GSR: variants seen among roughly 807,000 people sequenced by gnomAD.
The protein encoded by GSR is glutathione reductase, mitochondrial.
GSR carries 48 observed loss-of-function variants against 56.5 expected under a neutral mutation model. That is an observed-to-expected ratio of 0.85 (90% confidence interval 0.67 to 1.08). The LOEUF (loss-of-function observed/expected upper bound fraction) is 1.08. GSR is among the 50% of genes least tolerant of loss of function. The pLI, the probability that GSR is intolerant of heterozygous loss-of-function variation, is 0.00. For missense variants in GSR, 694 were observed against 703.3 expected (o/e 0.99, Z 0.15); for synonymous variants, 264 against 270.8 (o/e 0.97, Z 0.25).
chr8:30,725,896 A>G (rs1804708530), intron 1 of GSR, among the ~76,000 whole-genome samples: 1 of 151,982 alleles, frequency 6.6e-6, no homozygotes, highest in Non-Finnish European at 1.5e-5. Flanking sequence ...AAAAAAAAAA[A>G]AAAAGAATTC....
At chr8:30,724,690 C>T (rs188709311) in intron 1 of GSR, among the ~76,000 whole-genome samples, 14 of 151,946 alleles carry the variant, frequency 9.2e-5, no homozygotes, top group African/African-American at 3.4e-4. Flanking sequence ...CATGTGCCAC[C>T]ACACCCGGCT....
Position 30,685,985 on chromosome 8 carries a change from CAAAAAAAAAAA to C in GSR, c.1042-1797_1042-1787del, listed in dbSNP as rs71206274. On this transcript the variant is annotated intron_variant, in intron 9 of 12. Transcript: ENST00000221130. ...TGGGCAACAGAAAGAGACTCTGCCT[CAAAAAAAAAAA>C]AAAAAAAAAAAAAAAAAGAGTACAA... 1.1e-3 allele frequency among the ~76,000 whole-genome samples: 41 copies of C among 37,242 alleles called. No homozygotes were observed. The South Asian group carries it at 0.012, about 11-fold the overall frequency. The allele number at this position is 37,242 out of a possible 152,430, so 24.4% of individuals were successfully genotyped here.
Position 30,705,355 on chromosome 8 carries a change from AG to A in GSR, c.493-2116del, listed in dbSNP as rs538647268. ...TCAGCTCACTGCAAGCTCCGCCTCC[AG>A]GGTTCACGCCATTCTCCTGCCTCAG... On this transcript the variant is annotated intron_variant, in intron 4 of 12. Transcript: ENST00000221130. Among the ~76,000 whole-genome samples, 476 of 151,964 alleles carry A rather than the reference AG, an allele frequency of 3.1e-3. 3 individuals carry two copies. Among genetic ancestry groups the A allele is most frequent in the African/African-American group, 0.011 (446 of 41,450 alleles).
chr8:30,708,404 A>G (rs1444050612), intron 3 of GSR, among the ~76,000 whole-genome samples: 1 of 152,238 alleles, frequency 6.6e-6, no homozygotes, highest in African/African-American at 2.4e-5. Context: ...ATGTTTTGGC[A>G]AAGTGCCTAG....
At chr8:30,722,706 T>C (rs529147819) in intron 1 of GSR, among the ~76,000 whole-genome samples, 1 of 134,114 alleles carries the variant, frequency 7.5e-6, no homozygotes, top group Admixed American at 8.0e-5. Context: ...CACTCCAGCC[T>C]GGGTGACACA....
At chr8:30,685,528 T>G (rs1453148363) in intron 9 of GSR, among the ~76,000 whole-genome samples, 1 of 152,208 alleles carries the variant, frequency 6.6e-6, no homozygotes, top group Non-Finnish European at 1.5e-5. Flanking sequence ...AAACACATAT[T>G]GATGTTTCCC....
At chr8:30,723,521 T>G (rs1419612036) in intron 1 of GSR, among the ~76,000 whole-genome samples, 1 of 151,682 alleles carries the variant, frequency 6.6e-6, no homozygotes, top group Admixed American at 6.6e-5. Flanking sequence ...CCAGACGCGG[T>G]GGCTCATACT....
chr8:30,712,177 C>A, intron 1 of GSR, 89 bp from the exon 2 acceptor site: 2 of 709,592 alleles, frequency 2.8e-6, no homozygotes, highest in East Asian at 2.6e-5. Context: ...AAGCATCAAG[C>A]GAGGAGTCTT....
chr8:30,706,345 C>CA (rs1053387057), intron 4 of GSR, among the ~76,000 whole-genome samples: 3 of 151,268 alleles, frequency 2.0e-5, no homozygotes, highest in Non-Finnish European at 4.4e-5. Flanking sequence ...ACTAAAAATA[C>CA]AAAAAAAATT....
intron 8 of GSR, among the ~76,000 whole-genome samples, chr8:30,690,908 T>A (rs1167977920): frequency 6.6e-6 from 1 of 151,252 alleles, no homozygotes; most frequent in Non-Finnish European, 1.5e-5. Context: ...CTACAAAAAT[T>A]TTTTTTTTAA....
At chr8:30,687,816 T>C (rs1028842098) in intron 9 of GSR, among the ~76,000 whole-genome samples, 6 of 152,194 alleles carry the variant, frequency 3.9e-5, no homozygotes, top group African/African-American at 1.2e-4. Context: ...TAATGTAAGC[T>C]AGGGTCTCAG....
intron 7 of GSR, 55 bp downstream of exon 7, chr8:30,696,325 T>C: frequency 8.3e-7 from 1 of 1,200,398 alleles, no homozygotes; most frequent in Non-Finnish European, 1.2e-6. Context: ...AAGAAAAAAT[T>C]CTTCATTTTT....
chr8:30,711,448 T>C (rs1804138723), intron 2 of GSR, among the ~76,000 whole-genome samples: 1 of 152,184 alleles, frequency 6.6e-6, no homozygotes, highest in African/African-American at 2.4e-5. Context: ...AGAAAATCCA[T>C]GAACCCACAG....
At position 30,726,547 on chromosome 8, in the gene GSR, C is replaced by T. The variant is rs8190891; in HGVS notation, c.306+983G>A. ...GCTGAGGCGGGAAGATCGGTTGAGTCCAAGAGGTTGAAATCAGCAAGGGCA... is the reference window on the plus strand; with the variant it reads ...GCTGAGGCGGGAAGATCGGTTGAGTTCAAGAGGTTGAAATCAGCAAGGGCA... On this transcript the variant is annotated intron_variant, in intron 1 of 12. Coordinates refer to ENST00000221130, the MANE Select transcript of GSR (RefSeq NM_000637.5). Among the ~76,000 whole-genome samples, 1,231 of 152,076 alleles carry T rather than the reference C, an allele frequency of 8.1e-3. 16 individuals are homozygous for T. The highest frequency in any genetic ancestry group is 0.028 in the African/African-American group (1,160 of 41,474).
intron 1 of GSR, among the ~76,000 whole-genome samples, chr8:30,721,683 A>G (rs2128749162): frequency 6.6e-6 from 1 of 151,274 alleles, no homozygotes; most frequent in Admixed American, 6.6e-5. Flanking sequence ...AAAGGGTATC[A>G]GTATTTCCAT....
chr8:30,715,727 C>G (rs1804310160), intron 1 of GSR, among the ~76,000 whole-genome samples: 1 of 152,118 alleles, frequency 6.6e-6, no homozygotes, highest in South Asian at 2.1e-4. Context: ...TTCCAGTCAC[C>G]ATTTCTGGCT....
At chr8:30,712,116 T>A (rs1394723899) in intron 1 of GSR, 28 bp from the exon 2 acceptor site, 1 of 1,307,816 alleles carries the variant, frequency 7.6e-7, no homozygotes. Flanking sequence ...AGACACACTT[T>A]AAGAATATTG....
At chr8:30,683,441 G>A (rs898857591) in intron 10 of GSR, among the ~76,000 whole-genome samples, 1 of 152,154 alleles carries the variant, frequency 6.6e-6, no homozygotes, top group Non-Finnish European at 1.5e-5. Context: ...GAAGCGGGCT[G>A]AGGTGTGGGA....
chr8:30,693,238 C>T (rs1369888863), intron 7 of GSR, among the ~76,000 whole-genome samples, 183 bp from the exon 8 acceptor site: 1 of 152,188 alleles, frequency 6.6e-6, no homozygotes, highest in East Asian at 1.9e-4. Flanking sequence ...CCACCATCTG[C>T]AATACATATG....
Sources: allele counts gnomAD v4.1 joint callset (sites outside exome capture counted in the v4.1 genomes callset), GRCh38; gene constraint gnomAD v4.1.1; transcripts MANE v1.5; gene names NCBI Gene and HGNC (gene_info 2026-07-23, HGNC 2026-07-21).